Variants in ARHGEF4 observed in about 807,000 individuals in gnomAD.
The protein encoded by ARHGEF4 is APC-stimulated guanine nucleotide exchange factor 1.
A neutral mutation model predicts 162.0 loss-of-function variants in ARHGEF4; 119 were observed. The observed-to-expected ratio is 0.73, with a 90% CI of 0.63 to 0.86. The LOEUF (loss-of-function observed/expected upper bound fraction) is 0.86, where lower values mean the gene tolerates loss of function less well. Among genes scored for constraint, ARHGEF4 ranks in the 40% least tolerant of loss-of-function variants. The pLI, the probability that ARHGEF4 is intolerant of heterozygous loss-of-function variation, is 0.00. For missense variants in ARHGEF4, 2,488 were observed against 2,456.0 expected (o/e 1.01, Z -0.28); for synonymous variants, 1,014 against 979.9 (o/e 1.03, Z -0.65).
At chr2:130,877,760 A>C (rs72855917) in intron 1 of ARHGEF4, among the ~76,000 whole-genome samples, 3,178 of 152,252 alleles carry the variant, frequency 0.021, 94 homozygotes, top group East Asian at 0.12. Context: ...TTGGAACAAC[A>C]TATCTCCCTT....
intron 1 of ARHGEF4, among the ~76,000 whole-genome samples, chr2:130,839,583 G>C (rs1330089374): frequency 6.6e-6 from 1 of 152,180 alleles, no homozygotes; most frequent in Admixed American, 6.5e-5. Flanking sequence ...CCCTCCCCGT[G>C]CAGGCAGACC....
chr2:130,935,973 G>C (rs1682920128), intron 3 of ARHGEF4, among the ~76,000 whole-genome samples: 1 of 152,180 alleles, frequency 6.6e-6, no homozygotes, highest in Non-Finnish European at 1.5e-5. Flanking sequence ...GCTAAGGCAG[G>C]AGAATTGCTT....
At chr2:130,940,362 G>A (rs1246371122) in intron 3 of ARHGEF4, among the ~76,000 whole-genome samples, 1 of 151,930 alleles carries the variant, frequency 6.6e-6, no homozygotes, top group Non-Finnish European at 1.5e-5. Flanking sequence ...AGAGGGGATA[G>A]CAACATCACT....
intron 1 of ARHGEF4, among the ~76,000 whole-genome samples, chr2:130,845,810 G>A (rs1230716499): frequency 2.0e-5 from 3 of 152,206 alleles, no homozygotes; most frequent in East Asian, 1.9e-4. Flanking sequence ...ACATCAGGCC[G>A]GATGGGCCTC....
chr2:130,875,858 C>T (rs1293119873), intron 1 of ARHGEF4, among the ~76,000 whole-genome samples: 3 of 152,164 alleles, frequency 2.0e-5, no homozygotes, highest in Non-Finnish European at 4.4e-5. Context: ...CCAGTCATGC[C>T]CACTCTAGTT....
At chr2:130,992,174 C>T (rs901920625) in intron 4 of ARHGEF4, among the ~76,000 whole-genome samples, 9 of 152,090 alleles carry the variant, frequency 5.9e-5, no homozygotes, top group African/African-American at 2.2e-4. Flanking sequence ...TGTAAACGCA[C>T]CAATCAGCGC....
chr2:131,002,709 C>CAAAAAAA (rs66979991), intron 4 of ARHGEF4, among the ~76,000 whole-genome samples: 2 of 53,244 alleles, frequency 3.8e-5, no homozygotes, highest in Admixed American at 3.4e-4. Flanking sequence ...GACTCCGTCT[C>CAAAAAAA]AAAAAAAAAA....
chr2:130,874,479 T>C, intron 1 of ARHGEF4, among the ~76,000 whole-genome samples: 1 of 152,196 alleles, frequency 6.6e-6, no homozygotes, highest in Non-Finnish European at 1.5e-5. Flanking sequence ...CTTTCTTACA[T>C]GACAAATAAA....
chr2:130,889,928 C>A (rs1302851407), intron 1 of ARHGEF4, among the ~76,000 whole-genome samples: 1 of 150,668 alleles, frequency 6.6e-6, no homozygotes, highest in Non-Finnish European at 1.5e-5. Flanking sequence ...CTACTGTTTT[C>A]TGGCTCCTAT....
intron 4 of ARHGEF4, among the ~76,000 whole-genome samples, chr2:131,012,605 G>A (rs906611791): frequency 2.0e-5 from 3 of 152,004 alleles, no homozygotes; most frequent in Non-Finnish European, 4.4e-5. Flanking sequence ...GTGTGATACA[G>A]AGCCTTGCTC....
Position 130,913,980 on chromosome 2 carries a change from T to A in ARHGEF4, c.40-6T>A, listed in dbSNP as rs1192759181. On this transcript the variant is annotated splice_region_variant and splice_polypyrimidine_tract_variant and intron_variant, in intron 1 of 13. Transcript: ENST00000409359. ...GTCTCTGACTCCTCTCTTCTTGCCC[T>A]CCCAGACTCCAGAGCCAGGTGCACA... 6 of 1,536,020 alleles carry A rather than the reference T, an allele frequency of 3.9e-6. No homozygotes were observed. In the South Asian group the frequency reaches 7.1e-5, roughly 18 times the overall value.
intron 1 of ARHGEF4, among the ~76,000 whole-genome samples, chr2:130,891,912 C>T (rs1679882556): frequency 6.6e-6 from 1 of 152,136 alleles, no homozygotes; most frequent in Non-Finnish European, 1.5e-5. Flanking sequence ...AGGAGCATGG[C>T]TGTGTTCCAG....
intron 4 of ARHGEF4, among the ~76,000 whole-genome samples, chr2:131,026,392 G>C (rs1182113219): frequency 1.3e-5 from 2 of 152,110 alleles, no homozygotes; most frequent in Non-Finnish European, 2.9e-5. Flanking sequence ...TAAAATTAAG[G>C]ACTTCCGTTC....
At chr2:130,964,739 G>A (rs1247722326) in intron 4 of ARHGEF4, among the ~76,000 whole-genome samples, 3 of 152,332 alleles carry the variant, frequency 2.0e-5, no homozygotes, top group Non-Finnish European at 4.4e-5. Flanking sequence ...CTGACCGCAG[G>A]ACTGCAGCTC....
At chr2:130,988,365 G>T (rs889627562) in intron 4 of ARHGEF4, among the ~76,000 whole-genome samples, 3 of 152,248 alleles carry the variant, frequency 2.0e-5, no homozygotes, top group African/African-American at 7.2e-5. Context: ...GCAGGCTGGA[G>T]ATTGGGATCC....
chr2:130,871,542 A>AAT (rs1330511267), intron 1 of ARHGEF4, among the ~76,000 whole-genome samples: 8 of 149,456 alleles, frequency 5.4e-5, no homozygotes, highest in African/African-American at 9.9e-5. Context: ...GTCTCAAAAA[A>AAT]ATATATATAT....
intron 1 of ARHGEF4, among the ~76,000 whole-genome samples, chr2:130,852,415 A>G (rs1402843282): frequency 6.6e-6 from 1 of 152,032 alleles, no homozygotes; most frequent in African/African-American, 2.4e-5. Flanking sequence ...AAGGCACAAC[A>G]TCGGGGTGCC....
At chr2:130,912,429 A>C (rs1681242141) in intron 1 of ARHGEF4, among the ~76,000 whole-genome samples, 1 of 152,200 alleles carries the variant, frequency 6.6e-6, no homozygotes, top group Non-Finnish European at 1.5e-5. Context: ...TCTGCTTTGC[A>C]ACTTACTTGA....
intron 1 of ARHGEF4, among the ~76,000 whole-genome samples, chr2:130,889,351 T>C (rs189457201): frequency 6.6e-6 from 1 of 152,202 alleles, no homozygotes; most frequent in Non-Finnish European, 1.5e-5. Context: ...TTAATTGTTA[T>C]TTTATATAGC....
Sources: gnomAD v4.1 joint callset for allele counts (sites outside exome capture counted in the v4.1 genomes callset) on GRCh38, gnomAD v4.1.1 for gene constraint, MANE v1.5 for transcripts, NCBI Gene and HGNC (gene_info 2026-07-23, HGNC 2026-07-21) for gene names.